The following CTNNA3 variants were observed in gnomAD, a reference collection of about 807,000 sequenced individuals.
CTNNA3 encodes the protein catenin alpha 3, also known as catenin alpha-3.
In CTNNA3, 76 loss-of-function variants were observed where a neutral mutation model predicts 95.7. The ratio of observed to expected loss-of-function variants is 0.79; its 90% CI spans 0.66 to 0.96. The LOEUF (loss-of-function observed/expected upper bound fraction) is 0.96. Ranked by LOEUF, CTNNA3 falls within the 40% of genes least tolerant of loss-of-function variation. The pLI, the probability that CTNNA3 is intolerant of heterozygous loss-of-function variation, is 0.00. For synonymous variants in CTNNA3, 431 were observed against 374.4 expected (o/e 1.15, Z -1.74); for missense variants, 1,191 against 1,089.8 (o/e 1.09, Z -1.31).
intron 16 of CTNNA3, among the ~76,000 whole-genome samples, chr10:65,978,368 G>A (rs2133293145): frequency 6.6e-6 from 1 of 151,640 alleles, no homozygotes; most frequent in South Asian, 2.1e-4. Flanking sequence ...TAATTCTCAT[G>A]AATGTTTCCT....
intron 13 of CTNNA3, among the ~76,000 whole-genome samples, chr10:66,199,794 T>C (rs1481216114): frequency 1.3e-3 from 21 of 16,108 alleles, no homozygotes; most frequent in Non-Finnish European, 2.3e-3. Flanking sequence ...TATATATATA[T>C]ATATATATAT....
rs896501444 is a variant in CTNNA3 at position 67,235,798 on chromosome 10, G to A, written c.580-15928C>T. ...AGGGCTAATATCCAGAATCTACAATGAACTCAAACACATTTACAAGAAAAA... is the reference window on the plus strand; with the variant it reads ...AGGGCTAATATCCAGAATCTACAATAAACTCAAACACATTTACAAGAAAAA... On this transcript the variant is annotated intron_variant, in intron 5 of 17. Transcript: ENST00000433211. 8.4e-5 allele frequency among the ~76,000 whole-genome samples: 12 copies of A among 143,094 alleles called. 1 individual carries two copies. The highest frequency in any genetic ancestry group is 1.7e-4 in the Non-Finnish European group (11 of 66,028). 93.9% of individuals were successfully genotyped at this position (143,094 alleles called of 152,430 possible).
intron 10 of CTNNA3, among the ~76,000 whole-genome samples, chr10:66,547,227 A>G (rs1842061256): frequency 1.3e-5 from 2 of 152,036 alleles, no homozygotes; most frequent in Non-Finnish European, 2.9e-5. Flanking sequence ...ACGTCACACG[A>G]CCACTCATCA....
At chr10:67,016,025 A>G (rs533340639) in intron 7 of CTNNA3, among the ~76,000 whole-genome samples, 1 of 133,438 alleles carries the variant, frequency 7.5e-6, no homozygotes, top group Non-Finnish European at 1.7e-5. Flanking sequence ...TTATTGCTGT[A>G]TACTCTCTTC....
intron 9 of CTNNA3, among the ~76,000 whole-genome samples, chr10:66,720,445 C>G (rs935550341): frequency 1.3e-5 from 2 of 152,164 alleles, no homozygotes; most frequent in Admixed American, 1.3e-4. Context: ...TTTGGCTGGT[C>G]CTGGACAAAA....
intron 7 of CTNNA3, among the ~76,000 whole-genome samples, chr10:66,783,027 G>C (rs997873881): frequency 4.6e-5 from 7 of 152,042 alleles, no homozygotes; most frequent in Non-Finnish European, 1.0e-4. Flanking sequence ...ATGATCTTTA[G>C]GGTTCCTCTG....
intron 5 of CTNNA3, among the ~76,000 whole-genome samples, chr10:67,478,260 T>C (rs989646311): frequency 6.6e-6 from 1 of 152,154 alleles, no homozygotes; most frequent in African/African-American, 2.4e-5. Context: ...GAAAGCATAT[T>C]TGAGAGAATA....
intron 7 of CTNNA3, among the ~76,000 whole-genome samples, chr10:66,799,915 C>G (rs1400294777): frequency 1.3e-5 from 2 of 151,006 alleles, no homozygotes; most frequent in Admixed American, 6.6e-5. Flanking sequence ...ATGTTGAACA[C>G]CTTTAAAGTA....
At chr10:66,586,523 G>A (rs933655550) in intron 10 of CTNNA3, among the ~76,000 whole-genome samples, 2 of 152,078 alleles carry the variant, frequency 1.3e-5, no homozygotes, top group African/African-American at 4.8e-5. Flanking sequence ...GAATGCTGAT[G>A]TTCCCTCTAA....
At chr10:67,446,291 C>A (rs1846744991) in intron 5 of CTNNA3, among the ~76,000 whole-genome samples, 1 of 152,120 alleles carries the variant, frequency 6.6e-6, no homozygotes, top group African/African-American at 2.4e-5. Flanking sequence ...CCCTAGTCCA[C>A]CCCTGACAGA....
At chr10:67,474,158 A>C (rs185347901) in intron 5 of CTNNA3, among the ~76,000 whole-genome samples, 328 of 152,328 alleles carry the variant, frequency 2.2e-3, no homozygotes, top group African/African-American at 5.4e-3. Context: ...GGCTTTGTCT[A>C]TATACTTCAG....
intron 10 of CTNNA3, among the ~76,000 whole-genome samples, chr10:66,617,459 C>A (rs979267201): frequency 6.6e-6 from 1 of 152,190 alleles, no homozygotes; most frequent in Admixed American, 6.5e-5. Flanking sequence ...AAGACAAAAA[C>A]CACATGATTG....
intron 1 of CTNNA3, among the ~76,000 whole-genome samples, chr10:67,747,444 A>G (rs1002563315): frequency 3.3e-5 from 5 of 152,150 alleles, no homozygotes; most frequent in African/African-American, 4.8e-5. Flanking sequence ...CAGCCTCCTT[A>G]GGTAACATCT....
At chr10:66,539,452 G>T (rs1841772287) in intron 10 of CTNNA3, among the ~76,000 whole-genome samples, 1 of 152,286 alleles carries the variant, frequency 6.6e-6, no homozygotes, top group Admixed American at 6.5e-5. Flanking sequence ...CACCTGGGAA[G>T]ATAAGCTCAT....
At chr10:67,280,636 G>A (rs1839357520) in intron 5 of CTNNA3, among the ~76,000 whole-genome samples, 1 of 151,946 alleles carries the variant, frequency 6.6e-6, no homozygotes, top group South Asian at 2.1e-4. Context: ...AATTCCTGGT[G>A]ACTCCACCCC....
At chr10:67,165,324 A>G (rs1345553125) in intron 7 of CTNNA3, among the ~76,000 whole-genome samples, 1 of 152,010 alleles carries the variant, frequency 6.6e-6, no homozygotes, top group Non-Finnish European at 1.5e-5. Flanking sequence ...TGGAGAATAG[A>G]TTTGCATTTG....
At chr10:65,945,683 A>G (rs749175309) in intron 17 of CTNNA3, among the ~76,000 whole-genome samples, 9 of 152,190 alleles carry the variant, frequency 5.9e-5, no homozygotes, top group Non-Finnish European at 1.3e-4. Context: ...AATGAGGAGA[A>G]AAGAGGCTCT....
At chr10:67,591,394 T>C (rs1343525999) in intron 3 of CTNNA3, among the ~76,000 whole-genome samples, 1 of 151,942 alleles carries the variant, frequency 6.6e-6, no homozygotes, top group Non-Finnish European at 1.5e-5. Flanking sequence ...GGAACAAACC[T>C]ACAAGAGAGC....
chr10:66,980,962 G>A (rs918563447), intron 7 of CTNNA3, among the ~76,000 whole-genome samples: 13 of 152,000 alleles, frequency 8.6e-5, no homozygotes, highest in South Asian at 2.1e-4. Flanking sequence ...GCTGGAGTGC[G>A]ATGGTGTGAT....
Sources: allele counts gnomAD v4.1 joint callset (sites outside exome capture counted in the v4.1 genomes callset), GRCh38; gene constraint gnomAD v4.1.1; transcripts MANE v1.5; gene names NCBI Gene and HGNC (gene_info 2026-07-23, HGNC 2026-07-21).